DGKI: variants seen among roughly 807,000 people sequenced by gnomAD.
DGKI encodes the protein DAG kinase iota.
A neutral mutation model predicts 147.5 loss-of-function variants in DGKI; 55 were observed. That is an observed-to-expected ratio of 0.37 (90% CI 0.30 to 0.47). DGKI has a LOEUF of 0.47. DGKI is among the 20% of genes least tolerant of loss of function. DGKI has a pLI of 1.00. For synonymous variants in DGKI, 469 were observed against 477.1 expected (o/e 0.98, Z 0.22); for missense variants, 1,007 against 1,323.8 (o/e 0.76, Z 3.71).
chr7:137,812,565 T>C (rs898461396), intron 1 of DGKI, among the ~76,000 whole-genome samples: 2 of 152,222 alleles, frequency 1.3e-5, no homozygotes, highest in African/African-American at 4.8e-5. Context: ...CCTAGCATCA[T>C]CACTGTAACT....
intron 1 of DGKI, among the ~76,000 whole-genome samples, chr7:137,751,541 T>G (rs10215752): frequency 0.033 from 5,069 of 152,354 alleles, 275 homozygotes; most frequent in African/African-American, 0.12. Flanking sequence ...CTGATTGGTT[T>G]AGAATATGCT....
At chr7:137,599,963 T>G (rs62490469) in intron 10 of DGKI, 58 bp from the exon 11 acceptor site, 28,517 of 1,365,228 alleles carry the variant, frequency 0.021, 444 homozygotes, top group South Asian at 0.047. Flanking sequence ...CAAGAATAAC[T>G]GCTCATTTAA....
intron 1 of DGKI, among the ~76,000 whole-genome samples, chr7:137,728,580 C>T (rs1419343747): frequency 1.3e-5 from 2 of 152,118 alleles, no homozygotes; most frequent in African/African-American, 4.8e-5. Context: ...ATCAGGCTCA[C>T]ATAGCCGGGC....
chr7:137,517,901 A>G (rs1816836701), intron 21 of DGKI, among the ~76,000 whole-genome samples: 1 of 152,086 alleles, frequency 6.6e-6, no homozygotes, highest in African/African-American at 2.4e-5. Flanking sequence ...AAATTGAATG[A>G]TTTAGTTACA....
rs1811237210 is a variant in DGKI at position 137,388,219 on chromosome 7, T to C, written c.*3001A>G. 3 of 152,230 alleles carry C rather than the reference T, an allele frequency of 2.0e-5. No homozygotes were observed. Among genetic ancestry groups the C allele is most frequent in the Admixed American group, 2.0e-4 (3 of 15,280 alleles). The allele number at this position is 152,230 out of a possible 1,614,324, so 9.4% of individuals were successfully genotyped here. On this transcript the variant is annotated 3_prime_UTR_variant, in exon 33 of 33. Coordinates refer to ENST00000614521, the MANE Select transcript of DGKI (RefSeq NM_001321708.2). ...TCTTATTCTTTATGAAGTCCTTGAATACGATAAAGCACAGTTTAACTGTGT... is the reference window on the plus strand; with the variant it reads ...TCTTATTCTTTATGAAGTCCTTGAACACGATAAAGCACAGTTTAACTGTGT...
At chr7:137,474,727 T>C (rs1185486927) in intron 23 of DGKI, among the ~76,000 whole-genome samples, 3 of 152,164 alleles carry the variant, frequency 2.0e-5, no homozygotes, top group African/African-American at 7.2e-5. Context: ...ACAGATCTGA[T>C]GAATGAGATG....
chr7:137,419,691 G>A (rs1812487076), intron 28 of DGKI, among the ~76,000 whole-genome samples: 1 of 152,096 alleles, frequency 6.6e-6, no homozygotes, highest in Non-Finnish European at 1.5e-5. Context: ...ATTCTACATA[G>A]GCATACTGAA....
chr7:137,502,054 T>G (rs1451525692), intron 21 of DGKI, among the ~76,000 whole-genome samples: 2 of 152,162 alleles, frequency 1.3e-5, no homozygotes, highest in East Asian at 1.9e-4. Context: ...TGCTCCCCCT[T>G]GCCTTCCCCC....
chr7:137,499,229 A>G (rs905298139), intron 21 of DGKI, among the ~76,000 whole-genome samples: 9 of 152,170 alleles, frequency 5.9e-5, no homozygotes, highest in Non-Finnish European at 1.2e-4. Flanking sequence ...ATCCCAGTAG[A>G]ACAGTGAGGG....
chr7:137,538,284 G>A (rs1224427396), intron 20 of DGKI, among the ~76,000 whole-genome samples: 7 of 151,956 alleles, frequency 4.6e-5, no homozygotes, highest in Non-Finnish European at 7.4e-5. Context: ...TTAATATATC[G>A]AAAATATTTC....
intron 3 of DGKI, among the ~76,000 whole-genome samples, chr7:137,660,953 G>T (rs561104095): frequency 6.6e-6 from 1 of 152,222 alleles, no homozygotes; most frequent in African/African-American, 2.4e-5. Context: ...ATCTATAAAA[G>T]GATTGGGGCC....
chr7:137,771,364 T>C (rs1346947169), intron 1 of DGKI, among the ~76,000 whole-genome samples: 1 of 152,212 alleles, frequency 6.6e-6, no homozygotes. Flanking sequence ...GTGCTGGGAC[T>C]ACAGGTGTGA....
chr7:137,761,550 C>A (rs947601145), intron 1 of DGKI, among the ~76,000 whole-genome samples: 2 of 152,178 alleles, frequency 1.3e-5, no homozygotes, highest in Non-Finnish European at 1.5e-5. Context: ...CAGCACTCAG[C>A]GATCTCTTCC....
intron 17 of DGKI, among the ~76,000 whole-genome samples, chr7:137,573,753 C>A (rs1818872822): frequency 6.6e-6 from 1 of 152,196 alleles, no homozygotes; most frequent in Admixed American, 6.5e-5. Flanking sequence ...GAATTTAGAC[C>A]TGGGAATCAA....
intron 21 of DGKI, among the ~76,000 whole-genome samples, chr7:137,492,401 C>G (rs951433900): frequency 1.3e-5 from 2 of 152,034 alleles, no homozygotes; most frequent in Non-Finnish European, 2.9e-5. Flanking sequence ...TTGAGAATGG[C>G]TAGAGAAAGG....
At chr7:137,480,816 A>G (rs906059264) in intron 23 of DGKI, among the ~76,000 whole-genome samples, 1 of 152,158 alleles carries the variant, frequency 6.6e-6, no homozygotes, top group Non-Finnish European at 1.5e-5. Flanking sequence ...AATTCCTACC[A>G]TTTAATGCCC....
At chr7:137,751,676 G>A (rs1258549921) in intron 1 of DGKI, among the ~76,000 whole-genome samples, 3 of 152,108 alleles carry the variant, frequency 2.0e-5, no homozygotes, top group African/African-American at 4.8e-5. Flanking sequence ...AACCTGTATC[G>A]AAAGGCCAAA....
intron 21 of DGKI, among the ~76,000 whole-genome samples, chr7:137,505,462 A>T (rs1160636638): frequency 1.3e-5 from 2 of 152,186 alleles, no homozygotes; most frequent in East Asian, 1.9e-4. Flanking sequence ...TTGAAACAGG[A>T]GAATTACCCT....
At position 137,485,536 on chromosome 7, in the gene DGKI, C is replaced by A. The variant is rs991917944; in HGVS notation, c.2329-118G>T. 6.8e-6 allele frequency: 5 copies of A among 736,636 alleles called. No homozygotes were observed. The East Asian group carries it at 8.2e-5, about 12-fold the overall frequency. The allele number at this position is 736,636 out of a possible 1,614,324, so 45.6% of individuals were successfully genotyped here. A position where few individuals can be genotyped will look rare whatever the true frequency, so the allele number is the denominator to read the frequency against. The stretch of plus-strand genomic sequence containing the variant: ...ATTACTATGCTCATCTGGAAAGTAT[C>A]GAACACACCCAAATTCATAAAGGTT... On this transcript the variant is annotated intron_variant, in intron 22 of 32. Coordinates refer to ENST00000614521, the MANE Select transcript of DGKI (RefSeq NM_001321708.2).
Sources: allele counts gnomAD v4.1 joint callset (sites outside exome capture counted in the v4.1 genomes callset), GRCh38; gene constraint gnomAD v4.1.1; transcripts MANE v1.5; gene names NCBI Gene and HGNC (gene_info 2026-07-23, HGNC 2026-07-21).